The following PCDH11X variants were observed in gnomAD, a reference collection of about 807,000 sequenced individuals.
PCDH11X encodes protocadherin 11 X-linked.
PCDH11X carries 18 observed loss-of-function variants against 53.3 expected under a neutral mutation model. That is an observed-to-expected ratio of 0.34 (90% CI 0.23 to 0.50). The LOEUF is 0.50. Ranked by LOEUF, PCDH11X falls within the 20% of genes least tolerant of loss-of-function variation. PCDH11X has a pLI of 0.98. For missense variants in PCDH11X, 570 were observed against 1,032.4 expected (o/e 0.55, Z 6.14); for synonymous variants, 279 against 393.3 (o/e 0.71, Z 3.44).
intron 6 of PCDH11X, among the ~76,000 whole-genome samples, chrX:92,058,367 C>T (rs1484408928): frequency 9.1e-6 from 1 of 110,142 alleles, no homozygotes; most frequent in Non-Finnish European, 1.9e-5. Flanking sequence ...TCAGCATATC[C>T]ATGTAACAAA....
At chrX:91,975,852 A>G (rs1212334967) in intron 6 of PCDH11X, among the ~76,000 whole-genome samples, 2 of 110,751 alleles carry the variant, frequency 1.8e-5, no homozygotes, top group Non-Finnish European at 3.8e-5. Context: ...AATGCTATCA[A>G]TAATAGACAG....
Position 92,015,967 on chromosome X carries a change from T to G in PCDH11X, c.3033+136694T>G, listed in dbSNP as rs769648268. On this transcript the variant is annotated intron_variant, in intron 6 of 10. Transcript: ENST00000682573. ...AATGTAGTTCTTAAATGATAATACTTGAGAGTTGAAATTACTCCTGATTCA... is the reference window on the plus strand; with the variant it reads ...AATGTAGTTCTTAAATGATAATACTGGAGAGTTGAAATTACTCCTGATTCA... 2.3e-4 allele frequency among the ~76,000 whole-genome samples: 26 copies of G among 111,545 alleles called. No homozygotes were observed. The East Asian group carries it at 7.4e-3, about 32-fold the overall frequency.
intron 6 of PCDH11X, among the ~76,000 whole-genome samples, chrX:92,041,556 C>T (rs1432782559): frequency 3.6e-5 from 4 of 111,131 alleles, no homozygotes; most frequent in African/African-American, 9.8e-5. Flanking sequence ...GTAGTTAGAT[C>T]AGAAAAGAAG....
intron 6 of PCDH11X, among the ~76,000 whole-genome samples, chrX:91,980,851 A>G (rs1409555172): frequency 1.9e-5 from 2 of 107,734 alleles, no homozygotes; most frequent in Admixed American, 1.0e-4. Flanking sequence ...AGAAATGAAT[A>G]GCAGTTGAAT....
At chrX:92,473,232 C>T (rs1339877799) in intron 10 of PCDH11X, among the ~76,000 whole-genome samples, 2 of 107,577 alleles carry the variant, frequency 1.9e-5, no homozygotes, top group Non-Finnish European at 3.8e-5. Context: ...CTGGCTTTTT[C>T]CATTTATTGG....
chrX:91,819,608 C>T (rs1936570075), intron 4 of PCDH11X, among the ~76,000 whole-genome samples: 1 of 107,858 alleles, frequency 9.3e-6, no homozygotes, highest in African/African-American at 3.4e-5. Flanking sequence ...GAATTGGTGA[C>T]CCGAATCTCC....
chrX:92,192,241 ACT>A (rs1258895981), intron 6 of PCDH11X, among the ~76,000 whole-genome samples: 1 of 112,614 alleles, frequency 8.9e-6, no homozygotes, highest in African/African-American at 3.2e-5. Flanking sequence ...ATAGCCGCTA[ACT>A]CTCTGACAAA....
chrX:91,831,928 C>T (rs1602318917), intron 4 of PCDH11X, among the ~76,000 whole-genome samples: 1 of 102,704 alleles, frequency 9.7e-6, no homozygotes, highest in African/African-American at 3.5e-5. Context: ...GTGAATATTC[C>T]TTCTAGGTTG....
At chrX:92,051,220 G>C (rs2063363088) in intron 6 of PCDH11X, among the ~76,000 whole-genome samples, 1 of 111,635 alleles carries the variant, frequency 9.0e-6, no homozygotes, top group Admixed American at 9.6e-5. Flanking sequence ...GTCAGCATAT[G>C]ATAAATCTTT....
intron 6 of PCDH11X, among the ~76,000 whole-genome samples, chrX:92,176,198 G>C (rs1428703195): frequency 9.0e-6 from 1 of 111,648 alleles, no homozygotes; most frequent in Non-Finnish European, 1.9e-5. Context: ...TTACTTCTCA[G>C]ATAGGATCTT....
intron 8 of PCDH11X, among the ~76,000 whole-genome samples, chrX:92,347,192 A>T (rs952199710): frequency 2.7e-5 from 3 of 111,875 alleles, no homozygotes; most frequent in Non-Finnish European, 5.6e-5. Flanking sequence ...ACAAGCTCAG[A>T]CATAAACCAT....
intron 6 of PCDH11X, among the ~76,000 whole-genome samples, chrX:92,179,260 A>G (rs761111255): frequency 6.2e-5 from 7 of 112,609 alleles, no homozygotes; most frequent in Non-Finnish European, 1.3e-4. Flanking sequence ...TGAATGTTAC[A>G]AAATGCAGTG....
chrX:92,149,065 C>A (rs1228215735), intron 6 of PCDH11X, among the ~76,000 whole-genome samples: 1 of 111,202 alleles, frequency 9.0e-6, no homozygotes, highest in African/African-American at 3.3e-5. Flanking sequence ...TATACTTCAA[C>A]TTTGCTATCC....
At chrX:92,396,682 A>G (rs1386588660) in intron 9 of PCDH11X, among the ~76,000 whole-genome samples, 1 of 105,413 alleles carries the variant, frequency 9.5e-6, no homozygotes. Context: ...CGTGTCTACA[A>G]AAATACAAAA....
At chrX:92,177,695 A>G (rs1437482868) in intron 6 of PCDH11X, among the ~76,000 whole-genome samples, 2 of 111,603 alleles carry the variant, frequency 1.8e-5, no homozygotes, top group African/African-American at 6.5e-5. Flanking sequence ...ATATTCAGAC[A>G]AAACCTAGAA....
chrX:92,041,987 C>T (rs184696491), intron 6 of PCDH11X, among the ~76,000 whole-genome samples: 1 of 111,725 alleles, frequency 9.0e-6, no homozygotes, highest in African/African-American at 3.2e-5. Flanking sequence ...AAAAAAATAG[C>T]CTCTATATTC....
chrX:91,834,017 A>G (rs1937207260), intron 4 of PCDH11X, among the ~76,000 whole-genome samples: 1 of 111,742 alleles, frequency 8.9e-6, no homozygotes, highest in Non-Finnish European at 1.9e-5. Flanking sequence ...CCATCTGACC[A>G]CTGAGTTTTC....
intron 10 of PCDH11X, among the ~76,000 whole-genome samples, chrX:92,476,199 C>T (rs2073382124): frequency 9.0e-6 from 1 of 110,945 alleles, no homozygotes; most frequent in Non-Finnish European, 1.9e-5. Flanking sequence ...TAACTTTGCT[C>T]TTCCTTGCCT....
chrX:92,052,037 G>T (rs1278827793), intron 6 of PCDH11X, among the ~76,000 whole-genome samples: 1 of 109,348 alleles, frequency 9.1e-6, no homozygotes, highest in Non-Finnish European at 1.9e-5. Flanking sequence ...GTAACAAAAA[G>T]GTAAAACTCT....
Sources: gnomAD v4.1 joint callset for allele counts (sites outside exome capture counted in the v4.1 genomes callset) on GRCh38, gnomAD v4.1.1 for gene constraint, MANE v1.5 for transcripts, NCBI Gene and HGNC (gene_info 2026-07-23, HGNC 2026-07-21) for gene names.